Variants in BORCS5 observed in about 807,000 individuals in gnomAD.
BORCS5 encodes the protein BLOC-1 related complex subunit 5.
In BORCS5, 17 loss-of-function variants were observed where a neutral mutation model predicts 22.1. The observed-to-expected ratio is 0.77, with a 90% CI of 0.53 to 1.15. The LOEUF (loss-of-function observed/expected upper bound fraction) is 1.15. BORCS5 is among the 50% of genes most tolerant of loss of function. The pLI is 0.00. For missense variants in BORCS5, 247 were observed against 253.2 expected (o/e 0.98, Z 0.17); for synonymous variants, 117 against 99.8 (o/e 1.17, Z -1.03).
chr12:12,378,340 G>C (rs60914697), intron 2 of BORCS5, among the ~76,000 whole-genome samples: 25,878 of 152,078 alleles, frequency 0.17, 5,115 homozygotes, highest in African/African-American at 0.48. Context: ...CCACTGAACT[G>C]CAGCCTGGGT....
At chr12:12,458,675 T>C (rs996502232) in intron 3 of BORCS5, among the ~76,000 whole-genome samples, 2 of 148,116 alleles carry the variant, frequency 1.4e-5, no homozygotes, top group African/African-American at 5.0e-5. Context: ...GCCTTTTGGG[T>C]TCAAGAGATT....
chr12:12,380,718 A>G (rs1244465852), intron 2 of BORCS5, among the ~76,000 whole-genome samples: 1 of 151,404 alleles, frequency 6.6e-6, no homozygotes, highest in Non-Finnish European at 1.5e-5. Context: ...ACCATTTTAC[A>G]TTCCTTCCAG....
rs190067742 is a variant in BORCS5 at position 12,388,157 on chromosome 12, A to G, written c.202+26808A>G. ...TATCAGTACCATGCTTATTATGTAT[A>G]TCATTAATGCAGTTTTTATTGTGGT... On this transcript the variant is annotated intron_variant, in intron 2 of 3. Coordinates refer to ENST00000314565, the MANE Select transcript of BORCS5 (RefSeq NM_058169.6). Among the ~76,000 whole-genome samples the G allele has an allele frequency of 3.0e-4, 46 of 151,558 alleles. 2 individuals are homozygous for G. The highest frequency in any genetic ancestry group is 1.1e-3 in the African/African-American group (46 of 41,300).
rs1468916691 is a variant in BORCS5, at chr12:12,421,575, T to G, written c.203-14053T>G. ...ATGCTGCTGGCCTCATAAAATGAGTTAGGGAGGATTCCCTCTTTTTCTATT... is the reference window on the plus strand; with the variant it reads ...ATGCTGCTGGCCTCATAAAATGAGTGAGGGAGGATTCCCTCTTTTTCTATT... On this transcript the variant is annotated intron_variant, in intron 2 of 3. Transcript: ENST00000314565. 2.0e-5 allele frequency among the ~76,000 whole-genome samples: 3 copies of G among 152,226 alleles called. No individual in the cohort carries two copies. The East Asian group carries it at 5.8e-4, about 29-fold the overall frequency.
chr12:12,418,190 A>ATTTTTTTTTTGT (rs1364041028), intron 2 of BORCS5, among the ~76,000 whole-genome samples: 1 of 142,508 alleles, frequency 7.0e-6, no homozygotes, highest in African/African-American at 2.6e-5. Flanking sequence ...TGCCTGGCTA[A>ATTTTTTTTTTGT]TTTTTTTTTT....
At chr12:12,452,044 T>G (rs1341763138) in intron 3 of BORCS5, 4 of 390,584 alleles carry the variant, frequency 1.0e-5, no homozygotes, top group African/African-American at 2.1e-5. Flanking sequence ...CCTCTATTTT[T>G]GGTAAACTTA....
At chr12:12,455,649 C>G (rs1942985477) in intron 3 of BORCS5, among the ~76,000 whole-genome samples, 3 of 151,848 alleles carry the variant, frequency 2.0e-5, no homozygotes, top group African/African-American at 7.3e-5. Flanking sequence ...CGTGGTGGCA[C>G]ACACCTGTAA....
chr12:12,388,664 G>C (rs1455138281), intron 2 of BORCS5, among the ~76,000 whole-genome samples: 1 of 149,454 alleles, frequency 6.7e-6, no homozygotes, highest in Non-Finnish European at 1.5e-5. Flanking sequence ...AGTGGGGTGG[G>C]GGGGACATAT....
chr12:12,357,427 T>G lies in BORCS5; in HGVS notation c.-25T>G, dbSNP rs1164447651. 1.2e-6 allele frequency: 2 copies of G among 1,603,762 alleles called. No individual in the cohort carries two copies. The highest frequency in any genetic ancestry group is 2.2e-5 in the South Asian group (2 of 90,694). ...GCGGTGACCGCCCGGCCCGCCGTTC[T>G]TCTGCTGCCACCGCTGTCGGCACCA... On this transcript the variant is annotated 5_prime_UTR_variant, in exon 1 of 4. Coordinates refer to ENST00000314565, the MANE Select transcript of BORCS5 (RefSeq NM_058169.6).
At chr12:12,360,088 G>A (rs965001071) in intron 1 of BORCS5, among the ~76,000 whole-genome samples, 2 of 152,144 alleles carry the variant, frequency 1.3e-5, no homozygotes, top group Non-Finnish European at 2.9e-5. Flanking sequence ...AATGGGCTGG[G>A]CGTGATGGCT....
chr12:12,387,475 A>G (rs1863907498), intron 2 of BORCS5, among the ~76,000 whole-genome samples: 2 of 151,470 alleles, frequency 1.3e-5, no homozygotes, highest in African/African-American at 2.4e-5. Flanking sequence ...AGTATCTTTT[A>G]TTCTGATCAT....
At chr12:12,371,643 A>G (rs575730011) in intron 2 of BORCS5, among the ~76,000 whole-genome samples, 6 of 152,140 alleles carry the variant, frequency 3.9e-5, no homozygotes, top group South Asian at 4.2e-4. Context: ...TATGTTCTCT[A>G]TGTTCTTTGA....
intron 2 of BORCS5, among the ~76,000 whole-genome samples, chr12:12,397,885 A>G (rs887987515): frequency 6.6e-6 from 1 of 152,194 alleles, no homozygotes; most frequent in Non-Finnish European, 1.5e-5. Context: ...TTCACCTAGA[A>G]TGGAATTTGG....
intron 3 of BORCS5, among the ~76,000 whole-genome samples, chr12:12,440,784 T>C (rs1942667870): frequency 6.6e-6 from 1 of 152,152 alleles, no homozygotes; most frequent in Non-Finnish European, 1.5e-5. Flanking sequence ...CCACAGAATG[T>C]TGGAATTGGA....
intron 2 of BORCS5, among the ~76,000 whole-genome samples, chr12:12,405,838 G>C (rs1941583816): frequency 6.6e-6 from 1 of 152,216 alleles, no homozygotes; most frequent in African/African-American, 2.4e-5. Context: ...ACATTGGTCA[G>C]ATTTTTCTGG....
At chr12:12,403,312 A>G (rs75434432) in intron 2 of BORCS5, among the ~76,000 whole-genome samples, 2,158 of 152,248 alleles carry the variant, frequency 0.014, 41 homozygotes, top group African/African-American at 0.049. Context: ...AATCAAAGAT[A>G]TTTCTCTTCA....
At chr12:12,423,150 C>T (rs563365470) in intron 2 of BORCS5, among the ~76,000 whole-genome samples, 127 of 151,982 alleles carry the variant, frequency 8.4e-4, no homozygotes, top group Admixed American at 2.7e-3. Context: ...TAAAGGCGCC[C>T]GCCACCACGC....
intron 2 of BORCS5, among the ~76,000 whole-genome samples, chr12:12,434,804 A>G (rs1333339793): frequency 6.6e-6 from 1 of 152,260 alleles, no homozygotes; most frequent in Admixed American, 6.5e-5. Flanking sequence ...TAAAACTCAC[A>G]TAAAAGCTCT....
At chr12:12,385,327 C>T (rs1298816806) in intron 2 of BORCS5, among the ~76,000 whole-genome samples, 1 of 151,318 alleles carries the variant, frequency 6.6e-6, no homozygotes, top group Non-Finnish European at 1.5e-5. Context: ...CTACTGATGA[C>T]ACCGCTGGAT....
Sources: gnomAD v4.1 joint callset for allele counts (sites outside exome capture counted in the v4.1 genomes callset) on GRCh38, gnomAD v4.1.1 for gene constraint, MANE v1.5 for transcripts, NCBI Gene and HGNC (gene_info 2026-07-23, HGNC 2026-07-21) for gene names.